BID: variants seen among roughly 807,000 people sequenced by gnomAD.
The protein encoded by BID is BH3 interacting domain death agonist.
In BID, 19 loss-of-function variants were observed where a neutral mutation model predicts 17.4. The observed-to-expected ratio is 1.09, with a 90% CI of 0.76 to 1.60. BID has a LOEUF of 1.60. BID is among the 40% of genes most tolerant of loss of function. The pLI is 0.00. For missense variants in BID, 226 were observed against 256.0 expected (o/e 0.88, Z 0.80); for synonymous variants, 108 against 102.8 (o/e 1.05, Z -0.31).
chr22:17,735,067 A>AAGAT lies in BID; in HGVS notation c.*509_*512dup, dbSNP rs8190356. The stretch of plus-strand genomic sequence containing the variant: ...GGAAGATTGTTGGTTCCTTAGTATT[A>AAGAT]AGATAGATAGTCCCTATTTTGAGTG... On this transcript the variant is annotated 3_prime_UTR_variant, in exon 6 of 6. Coordinates refer to ENST00000622694, the MANE Select transcript of BID (RefSeq NM_001196.4). The AAGAT allele has an allele frequency of 0.12, 18,839 of 154,786 alleles. 1,505 individuals carry two copies. Among genetic ancestry groups the AAGAT allele is most frequent in the Non-Finnish European group, 0.17 (12,134 of 69,742 alleles). 9.6% of individuals were successfully genotyped at this position (154,786 alleles called of 1,614,324 possible).
rs796734866 is a variant in BID, at chr22:17,763,901, AT to A, written c.-59+10479del. 1.3e-4 allele frequency among the ~76,000 whole-genome samples: 14 copies of A among 108,244 alleles called. No homozygotes were observed. The East Asian group carries it at 3.2e-3, about 24-fold the overall frequency. 71.0% of individuals were successfully genotyped at this position (108,244 alleles called of 152,430 possible). ...TGAACATATATATAGACCACTTATA[AT>A]TTAAAAAAAAAAAAAATCAAAAGCA... On this transcript the variant is annotated intron_variant, in intron 1 of 5. Transcript: ENST00000622694.
At chr22:17,736,495 A>G (rs1601831003) in intron 5 of BID, among the ~76,000 whole-genome samples, 1 of 151,824 alleles carries the variant, frequency 6.6e-6, no homozygotes, top group Non-Finnish European at 1.5e-5. Flanking sequence ...ACATTCGCTA[A>G]TATTTTTAAA....
intron 1 of BID, among the ~76,000 whole-genome samples, chr22:17,771,994 G>A (rs115731670): frequency 0.022 from 3,415 of 152,338 alleles, 125 homozygotes; most frequent in African/African-American, 0.075. Context: ...TCTGGGCAGT[G>A]TGCCTGATGC....
At chr22:17,747,291 A>G (rs1341458990) in intron 2 of BID, among the ~76,000 whole-genome samples, 2 of 152,150 alleles carry the variant, frequency 1.3e-5, no homozygotes, top group Non-Finnish European at 2.9e-5. Context: ...TGCTGTGCCA[A>G]TATGGAATCA....
Position 17,743,845 on chromosome 22 carries a change from C to T in BID, c.181G>A (p.Gly61Ser), listed in dbSNP as rs1455741313. ...AAGCGGGAGTGGCTGCTGCGGTTGC[C>T]ATCAGTCTGCAGCTCATCGTAGCCC... ...WEGYDELQTD[G>S]NRSSHSRLGR... is the part of the protein sequence containing the mutation. Residue 61 changes from glycine (G) to serine (S), a missense_variant, in exon 3 of 6, where the codon GGC (glycine) becomes AGC (serine). By Grantham distance (56) the Gly-to-Ser change is moderately conservative. Transcript: ENST00000622694. The T allele has an allele frequency of 1.2e-6, 2 of 1,612,720 alleles. No homozygotes were observed. Among genetic ancestry groups the T allele is most frequent in the East Asian group, 2.2e-5 (1 of 44,888 alleles).
At chr22:17,751,692 G>A (rs140840410) in intron 1 of BID, among the ~76,000 whole-genome samples, 2,592 of 152,320 alleles carry the variant, frequency 0.017, 32 homozygotes, top group Admixed American at 0.031. Flanking sequence ...ACACAGGCCT[G>A]GGGACCCTGC....
At chr22:17,755,646 C>T (rs1286618058) in intron 1 of BID, among the ~76,000 whole-genome samples, 1 of 151,690 alleles carries the variant, frequency 6.6e-6, no homozygotes, top group African/African-American at 2.4e-5. Context: ...GCTAAAAATA[C>T]AAAAATTAGC....
intron 1 of BID, among the ~76,000 whole-genome samples, chr22:17,770,341 G>A (rs1437889477): frequency 2.0e-5 from 3 of 152,154 alleles, no homozygotes; most frequent in African/African-American, 7.2e-5. Flanking sequence ...CTGCCTTGTG[G>A]GATCACATGC....
chr22:17,749,640 T>C (rs954832061), intron 2 of BID, among the ~76,000 whole-genome samples: 1 of 152,252 alleles, frequency 6.6e-6, no homozygotes, highest in South Asian at 2.1e-4. Flanking sequence ...GAGAATTATA[T>C]GAAGTGCTTA....
intron 1 of BID, among the ~76,000 whole-genome samples, chr22:17,765,700 G>A (rs112774650): frequency 6.0e-4 from 91 of 152,154 alleles, no homozygotes; most frequent in African/African-American, 2.1e-3. Context: ...TGAAGAAAAG[G>A]GGGGAAGGAT....
intron 1 of BID, among the ~76,000 whole-genome samples, chr22:17,772,447 A>C (rs2061728179): frequency 6.6e-6 from 1 of 152,352 alleles, no homozygotes; most frequent in Non-Finnish European, 1.5e-5. Context: ...GCATTTCCAG[A>C]GGCCACAGCT....
At chr22:17,742,884 A>G (rs2061470580) in intron 3 of BID, among the ~76,000 whole-genome samples, 1 of 152,256 alleles carries the variant, frequency 6.6e-6, no homozygotes, top group African/African-American at 2.4e-5. Context: ...GCCCCTGTCC[A>G]TAGAAGCAGC....
At chr22:17,747,112 G>T (rs1008800939) in intron 2 of BID, among the ~76,000 whole-genome samples, 8 of 152,164 alleles carry the variant, frequency 5.3e-5, no homozygotes, top group Non-Finnish European at 1.2e-4. Flanking sequence ...GCCAGAGGAG[G>T]TCTAGGTGCC....
At chr22:17,764,505 A>G (rs118057989) in intron 1 of BID, among the ~76,000 whole-genome samples, 4,720 of 152,352 alleles carry the variant, frequency 0.031, 134 homozygotes, top group South Asian at 0.045. Context: ...TTAAGACTGC[A>G]GACACTAAGA....
intron 1 of BID, among the ~76,000 whole-genome samples, chr22:17,760,311 G>T (rs1028129569): frequency 6.6e-6 from 1 of 150,882 alleles, no homozygotes; most frequent in African/African-American, 2.4e-5. Context: ...ACTTAGCCAG[G>T]TGAGGTGATG....
At chr22:17,745,656 GAA>G (rs970688195) in intron 2 of BID, among the ~76,000 whole-genome samples, 9 of 147,892 alleles carry the variant, frequency 6.1e-5, no homozygotes, top group Admixed American at 2.0e-4. Flanking sequence ...TCTCAAAAAA[GAA>G]AAAAAAAATG....
intron 1 of BID, among the ~76,000 whole-genome samples, chr22:17,759,894 G>T (rs981685931): frequency 6.6e-6 from 1 of 152,046 alleles, no homozygotes; most frequent in Non-Finnish European, 1.5e-5. Context: ...TGTAATCCCA[G>T]CACTTTGGGA....
At chr22:17,774,474 C>T, upstream of BID, 2 of 281,036 alleles carry the variant, frequency 7.1e-6, no homozygotes, top group Admixed American at 3.4e-5. Context: ...CTCCTTATGG[C>T]GCCCCGCGCG....
chr22:17,752,199 C>G (rs1348796767), intron 1 of BID, among the ~76,000 whole-genome samples: 1 of 152,198 alleles, frequency 6.6e-6, no homozygotes, highest in Non-Finnish European at 1.5e-5. Flanking sequence ...GAGTCTCCCA[C>G]CAGACCCTAA....
Sources: allele counts gnomAD v4.1 joint callset (sites outside exome capture counted in the v4.1 genomes callset), GRCh38; gene constraint gnomAD v4.1.1; transcripts MANE v1.5; gene names NCBI Gene and HGNC (gene_info 2026-07-23, HGNC 2026-07-21).